The following ZNF385B variants were observed in gnomAD, a reference collection of about 807,000 sequenced individuals.
ZNF385B encodes zinc finger protein 533.
Under a neutral mutation model 39.2 loss-of-function variants are expected in ZNF385B, and 23 were observed. The observed-to-expected ratio is 0.59, with a 90% CI of 0.42 to 0.83. The LOEUF (loss-of-function observed/expected upper bound fraction) is 0.83, where lower values mean the gene tolerates loss of function less well. Among genes scored for constraint, ZNF385B ranks in the 40% least tolerant of loss-of-function variants. The pLI, the probability that ZNF385B is intolerant of heterozygous loss-of-function variation, is 0.00. For missense variants in ZNF385B, 552 were observed against 598.9 expected, an observed-to-expected ratio of 0.92 and a Z score of 0.82; for synonymous variants, 205 against 222.6, an observed-to-expected ratio of 0.92 and a Z score of 0.70.
chr2:179,764,270 T>C (rs1451916345), intron 3 of ZNF385B, among the ~76,000 whole-genome samples: 1 of 152,208 alleles, frequency 6.6e-6, no homozygotes, highest in Non-Finnish European at 1.5e-5. Flanking sequence ...TAGCTACCCC[T>C]GCCTTTATTT....
intron 1 of ZNF385B, among the ~76,000 whole-genome samples, chr2:179,814,015 A>C (rs1706899810): frequency 6.6e-6 from 1 of 152,272 alleles, no homozygotes; most frequent in South Asian, 2.1e-4. Context: ...CACAGTATCA[A>C]ATACTCTAGC....
rs191912766 is a variant in ZNF385B, at chr2:179,693,247, A to C, written c.298+76256T>G. 1.6e-4 allele frequency among the ~76,000 whole-genome samples: 24 copies of C among 152,326 alleles called. 1 individual carries two copies. In the East Asian group the frequency reaches 4.6e-3, roughly 29 times the overall value. On this transcript the variant is annotated intron_variant, in intron 3 of 9. Transcript: ENST00000410066. ...ACACTCATTTAAAGAAGAGAGGCTC[A>C]CTTATGTTAGCAATTCTCATCTAAC...
chr2:179,525,888 T>G (rs2058853680), intron 4 of ZNF385B, among the ~76,000 whole-genome samples: 1 of 152,188 alleles, frequency 6.6e-6, no homozygotes, highest in African/African-American at 2.4e-5. Context: ...GACCATATGC[T>G]TTTATGTTGA....
intron 3 of ZNF385B, among the ~76,000 whole-genome samples, chr2:179,565,381 C>G (rs1226430965): frequency 6.6e-6 from 1 of 152,174 alleles, no homozygotes; most frequent in Admixed American, 6.6e-5. Flanking sequence ...ACTATGGTGG[C>G]TAGAACACTG....
At chr2:179,823,506 A>T (rs1278572545) in intron 1 of ZNF385B, among the ~76,000 whole-genome samples, 1 of 152,108 alleles carries the variant, frequency 6.6e-6, no homozygotes, top group Non-Finnish European at 1.5e-5. Context: ...TTTTTCTCTT[A>T]GTACAGAATA....
intron 3 of ZNF385B, among the ~76,000 whole-genome samples, chr2:179,710,281 C>T (rs905919943): frequency 2.6e-5 from 4 of 152,092 alleles, no homozygotes; most frequent in Non-Finnish European, 5.9e-5. Context: ...TATACCTTTG[C>T]CCCAACCTGG....
intron 5 of ZNF385B, among the ~76,000 whole-genome samples, chr2:179,506,957 A>G (rs748174007): frequency 6.6e-6 from 1 of 152,138 alleles, no homozygotes; most frequent in Non-Finnish European, 1.5e-5. Flanking sequence ...TCAGCCCCCA[A>G]AGTAAGAGCC....
intron 3 of ZNF385B, among the ~76,000 whole-genome samples, chr2:179,696,961 G>A (rs1015892200): frequency 6.6e-6 from 1 of 152,140 alleles, no homozygotes; most frequent in African/African-American, 2.4e-5. Context: ...ACAGACAGAA[G>A]CTCACAGCAA....
chr2:179,458,761 T>A lies in ZNF385B; in HGVS notation c.716-11991A>T, dbSNP rs144616012. 8.5e-3 allele frequency among the ~76,000 whole-genome samples: 1,287 copies of A among 152,286 alleles called. 8 individuals carry two copies. Among genetic ancestry groups the A allele is most frequent in the Non-Finnish European group, 0.013 (908 of 68,010 alleles). ...TGATTTAAATCCACTTAACAAACCT[T>A]ACCCTTGTTTACTGTGTTTTTCCTA... On this transcript the variant is annotated intron_variant, in intron 6 of 9. Coordinates refer to ENST00000410066, the MANE Select transcript of ZNF385B (RefSeq NM_152520.6).
chr2:179,605,868 G>T (rs970736055), intron 3 of ZNF385B, among the ~76,000 whole-genome samples: 7 of 152,064 alleles, frequency 4.6e-5, no homozygotes, highest in African/African-American at 1.7e-4. Flanking sequence ...GACACAATGA[G>T]AAAGCCAACT....
intron 3 of ZNF385B, among the ~76,000 whole-genome samples, chr2:179,728,884 G>T (rs1009319602): frequency 6.6e-6 from 1 of 151,850 alleles, no homozygotes; most frequent in African/African-American, 2.4e-5. Context: ...GGAAACTATT[G>T]AAAATTATTA....
intron 1 of ZNF385B, among the ~76,000 whole-genome samples, chr2:179,777,272 C>G (rs56086105): frequency 6.6e-6 from 1 of 152,002 alleles, no homozygotes; most frequent in African/African-American, 2.4e-5. Context: ...ATTGAAAGTA[C>G]TAATTTATGC....
intron 6 of ZNF385B, among the ~76,000 whole-genome samples, chr2:179,456,196 C>G (rs796308593): frequency 6.6e-6 from 1 of 152,130 alleles, no homozygotes; most frequent in Non-Finnish European, 1.5e-5. Context: ...CTGATAATTT[C>G]CTCAGGACAT....
chr2:179,757,049 G>T lies in ZNF385B; in HGVS notation c.298+12454C>A, dbSNP rs544740718. ...AGGGGGAGAGGTGCTCTGATTTTTA[G>T]AATTTTCAGCTTTTCTGCTCTGTTT... is the stretch of plus-strand genomic sequence containing the variant. On this transcript the variant is annotated intron_variant, in intron 3 of 9. Coordinates refer to ENST00000410066, the MANE Select transcript of ZNF385B (RefSeq NM_152520.6). 3.3e-5 allele frequency among the ~76,000 whole-genome samples: 5 copies of T among 152,256 alleles called. No homozygotes were observed. The South Asian group carries it at 1.0e-3, about 32-fold the overall frequency.
intron 3 of ZNF385B, among the ~76,000 whole-genome samples, chr2:179,733,581 G>C (rs551887235): frequency 6.6e-6 from 1 of 152,116 alleles, no homozygotes; most frequent in Admixed American, 6.5e-5. Flanking sequence ...AGGAGATTGA[G>C]ACTATCCTGG....
intron 6 of ZNF385B, among the ~76,000 whole-genome samples, chr2:179,458,851 C>T (rs1229718372): frequency 1.3e-5 from 2 of 152,156 alleles, no homozygotes; most frequent in East Asian, 3.9e-4. Context: ...GTATTTAAGC[C>T]TGAATTCAAA....
intron 3 of ZNF385B, among the ~76,000 whole-genome samples, chr2:179,662,830 TA>T (rs1211792656): frequency 6.6e-6 from 1 of 152,216 alleles, no homozygotes; most frequent in Non-Finnish European, 1.5e-5. Context: ...AAACTTTTTC[TA>T]GTTTTTATGA....
In ZNF385B at chr2:179,689,782, CATGTGTGTGT is replaced by C. The variant is rs1256621651; in HGVS notation, c.298+79711_298+79720del. Among the ~76,000 whole-genome samples, 214 of 104,870 alleles carry C rather than the reference CATGTGTGTGT, an allele frequency of 2.0e-3. 1 individual carries two copies. The highest frequency in any genetic ancestry group is 6.0e-3 in the African/African-American group (163 of 27,010). The allele number at this position is 104,870 out of a possible 152,430, so 68.8% of individuals were successfully genotyped here. The stretch of plus-strand genomic sequence containing the variant: ...ATGAAGAAGAGCGTGAGGGCAGGGG[CATGTGTGTGT>C]GTGTGTGTGTGTGTGTGTGTGTGTG... On this transcript the variant is annotated intron_variant, in intron 3 of 9. Coordinates refer to ENST00000410066, the MANE Select transcript of ZNF385B (RefSeq NM_152520.6).
chr2:179,606,422 G>A (rs1160396894), intron 3 of ZNF385B, among the ~76,000 whole-genome samples: 1 of 152,128 alleles, frequency 6.6e-6, no homozygotes, highest in African/African-American at 2.4e-5. Flanking sequence ...TAGACATTTG[G>A]CAGTACAGTA....
Sources: allele counts gnomAD v4.1 joint callset (sites outside exome capture counted in the v4.1 genomes callset), GRCh38; gene constraint gnomAD v4.1.1; transcripts MANE v1.5; gene names NCBI Gene and HGNC (gene_info 2026-07-23, HGNC 2026-07-21).